Variants in SNTB1 observed in about 807,000 individuals in gnomAD.
SNTB1 encodes the protein beta-1-syntrophin.
SNTB1 carries 36 observed loss-of-function variants against 48.9 expected under a neutral mutation model. That is an observed-to-expected ratio of 0.74 (90% CI 0.56 to 0.97). The LOEUF (loss-of-function observed/expected upper bound fraction) is 0.97. Ranked by LOEUF, SNTB1 falls within the 50% of genes least tolerant of loss-of-function variation. SNTB1 has a pLI of 0.00. For missense variants in SNTB1, 786 were observed against 703.4 expected, an observed-to-expected ratio of 1.12 and a Z score of -1.33; for synonymous variants, 299 against 294.6, an observed-to-expected ratio of 1.01 and a Z score of -0.15.
intron 4 of SNTB1, among the ~76,000 whole-genome samples, chr8:120,549,415 T>C (rs1815441642): frequency 1.3e-5 from 2 of 152,164 alleles, no homozygotes; most frequent in South Asian, 4.1e-4. Context: ...GGGTATGGAA[T>C]TTTTCATGCA....
At chr8:120,551,592 G>A (rs977303011) in intron 4 of SNTB1, among the ~76,000 whole-genome samples, 2 of 151,802 alleles carry the variant, frequency 1.3e-5, no homozygotes, top group Admixed American at 1.3e-4. Context: ...TGGGCATGCT[G>A]GCATGTGCCT....
At chr8:120,671,073 C>T (rs1817749506) in intron 2 of SNTB1, among the ~76,000 whole-genome samples, 1 of 152,200 alleles carries the variant, frequency 6.6e-6, no homozygotes, top group Non-Finnish European at 1.5e-5. Flanking sequence ...TTACACTTGC[C>T]TAGAAAACCT....
chr8:120,777,429 A>G (rs912467265), intron 1 of SNTB1, among the ~76,000 whole-genome samples: 7 of 152,120 alleles, frequency 4.6e-5, no homozygotes, highest in Non-Finnish European at 7.4e-5. Context: ...AGCCACCTTG[A>G]AGTTACAATT....
At chr8:120,650,274 G>T (rs541280140) in intron 2 of SNTB1, among the ~76,000 whole-genome samples, 15 of 152,312 alleles carry the variant, frequency 9.8e-5, no homozygotes, top group African/African-American at 2.9e-4. Context: ...AGGAGTCAAT[G>T]ACAATAGGAG....
intron 2 of SNTB1, among the ~76,000 whole-genome samples, chr8:120,665,314 T>C (rs1817657355): frequency 6.6e-6 from 1 of 152,002 alleles, no homozygotes; most frequent in South Asian, 2.1e-4. Context: ...TAGCCAGGCT[T>C]GGTGGCACGT....
chr8:120,579,573 G>A (rs752291275), intron 3 of SNTB1, among the ~76,000 whole-genome samples: 3 of 152,132 alleles, frequency 2.0e-5, no homozygotes, highest in Admixed American at 6.5e-5. Flanking sequence ...CCAGCTACTC[G>A]GAAGGCTGAG....
intron 5 of SNTB1, among the ~76,000 whole-genome samples, chr8:120,543,915 TAG>T (rs1815334124): frequency 6.6e-6 from 1 of 151,714 alleles, no homozygotes. Context: ...GACAGTAGCA[TAG>T]AGATTGTGCT....
At chr8:120,615,256 G>A (rs956299566) in intron 3 of SNTB1, among the ~76,000 whole-genome samples, 1 of 152,154 alleles carries the variant, frequency 6.6e-6, no homozygotes, top group Non-Finnish European at 1.5e-5. Flanking sequence ...CGTCGCCAGA[G>A]CCGGGGTTAA....
At chr8:120,760,583 A>G (rs1819401029) in intron 1 of SNTB1, among the ~76,000 whole-genome samples, 3 of 152,162 alleles carry the variant, frequency 2.0e-5, no homozygotes, top group Admixed American at 2.0e-4. Flanking sequence ...TTACCTGCTG[A>G]AGCTTAACCA....
intron 1 of SNTB1, chr8:120,761,336 C>T (rs1243081228): frequency 4.6e-5 from 7 of 152,218 alleles, no homozygotes; most frequent in Admixed American, 6.5e-5. Flanking sequence ...ACAATAAACA[C>T]AGACTAACTT....
chr8:120,687,125 G>C (rs1271415902), intron 2 of SNTB1, among the ~76,000 whole-genome samples: 1 of 152,092 alleles, frequency 6.6e-6, no homozygotes, highest in East Asian at 1.9e-4. Flanking sequence ...AAAACATGAG[G>C]GGGCAATAAT....
chr8:120,627,740 C>A (rs1816907479), intron 3 of SNTB1, among the ~76,000 whole-genome samples: 2 of 152,112 alleles, frequency 1.3e-5, no homozygotes, highest in African/African-American at 4.8e-5. Context: ...TGAAGCTGTG[C>A]TTTTGGTCTG....
chr8:120,682,873 GT>G (rs534846691), intron 2 of SNTB1, among the ~76,000 whole-genome samples: 1,542 of 139,984 alleles, frequency 0.011, 12 homozygotes, highest in Non-Finnish European at 0.016. Flanking sequence ...TTTTTTGTTT[GT>G]TTTTAGTTTT....
intron 1 of SNTB1, among the ~76,000 whole-genome samples, chr8:120,806,258 C>T (rs1820335706): frequency 6.6e-6 from 1 of 152,148 alleles, no homozygotes; most frequent in South Asian, 2.1e-4. Context: ...TGAAGGAAGC[C>T]AGGGAACCTG....
At chr8:120,579,332 G>C (rs1816005578) in intron 3 of SNTB1, among the ~76,000 whole-genome samples, 1 of 152,198 alleles carries the variant, frequency 6.6e-6, no homozygotes, top group Non-Finnish European at 1.5e-5. Context: ...AAGTGGGGTT[G>C]CTACTAATCT....
chr8:120,803,781 T>C (rs991488960), intron 1 of SNTB1, among the ~76,000 whole-genome samples: 4 of 152,186 alleles, frequency 2.6e-5, no homozygotes, highest in Admixed American at 1.3e-4. Flanking sequence ...CATTGCTACA[T>C]ATGCTTAAAA....
At chr8:120,746,744 T>C (rs1165159168) in intron 1 of SNTB1, among the ~76,000 whole-genome samples, 3 of 152,238 alleles carry the variant, frequency 2.0e-5, no homozygotes, top group African/African-American at 2.4e-5. Flanking sequence ...CGTTATTCAG[T>C]ATAATAAACA....
chr8:120,627,559 T>C (rs1380059862), intron 3 of SNTB1, among the ~76,000 whole-genome samples: 1 of 152,210 alleles, frequency 6.6e-6, no homozygotes, highest in Non-Finnish European at 1.5e-5. Flanking sequence ...TGTCTTCTTG[T>C]TTTTCTTCTT....
intron 2 of SNTB1, among the ~76,000 whole-genome samples, chr8:120,638,896 T>G (rs1330323650): frequency 6.6e-6 from 1 of 152,242 alleles, no homozygotes; most frequent in Non-Finnish European, 1.5e-5. Flanking sequence ...GCAGCATGAT[T>G]TATAATCCTT....
Sources: allele counts gnomAD v4.1 joint callset (sites outside exome capture counted in the v4.1 genomes callset), GRCh38; gene constraint gnomAD v4.1.1; transcripts MANE v1.5; gene names NCBI Gene and HGNC (gene_info 2026-07-23, HGNC 2026-07-21).